The following PPFIA1 variants were observed in gnomAD, a reference collection of about 807,000 sequenced individuals.
PPFIA1 encodes liprin-alpha-1.
In PPFIA1, 25 loss-of-function variants were observed where a neutral mutation model predicts 149.9. The ratio of observed to expected loss-of-function variants is 0.17; its 90% confidence interval spans 0.12 to 0.23. The LOEUF is 0.23. PPFIA1 is among the 10% of genes least tolerant of loss of function. The probability of loss-of-function intolerance (pLI) is 1.00; values close to 1 mark genes in which losing one functional copy is unlikely to be tolerated. For missense variants in PPFIA1, 1,362 were observed against 1,506.5 expected (o/e 0.90, Z 1.59); for synonymous variants, 549 against 552.8 (o/e 0.99, Z 0.10).
intron 2 of PPFIA1, among the ~76,000 whole-genome samples, chr11:70,288,449 C>T (rs550942707): frequency 2.0e-5 from 3 of 152,266 alleles, no homozygotes; most frequent in Non-Finnish European, 4.4e-5. Flanking sequence ...GGGGCCACTG[C>T]CTGAGGTGTG....
intron 2 of PPFIA1, among the ~76,000 whole-genome samples, chr11:70,305,586 G>A (rs2052795277): frequency 6.6e-6 from 1 of 152,076 alleles, no homozygotes; most frequent in African/African-American, 2.4e-5. Context: ...GCCTGGGCTG[G>A]TCTCGAACTC....
intron 2 of PPFIA1, among the ~76,000 whole-genome samples, chr11:70,291,275 C>T (rs759155409): frequency 1.3e-5 from 2 of 152,116 alleles, no homozygotes; most frequent in Admixed American, 6.5e-5. Flanking sequence ...GAATGACAGC[C>T]GAGGTCATGG....
chr11:70,325,605 TGGG>T, intron 5 of PPFIA1, 31 bp downstream of exon 5: 6 of 1,393,126 alleles, frequency 4.3e-6, no homozygotes, highest in African/African-American at 1.5e-5. Context: ...TGAGTTGAAT[TGGG>T]GGGGGGTTAT....
chr11:70,285,058 G>T (rs993720984), intron 2 of PPFIA1, among the ~76,000 whole-genome samples: 1 of 152,086 alleles, frequency 6.6e-6, no homozygotes, highest in African/African-American at 2.4e-5. Context: ...CCAAGCTGTA[G>T]TGCACTGGCA....
At chr11:70,367,482 C>G (rs2057000683) in intron 21 of PPFIA1, 2 of 455,702 alleles carry the variant, frequency 4.4e-6, no homozygotes, top group Non-Finnish European at 8.8e-6. Flanking sequence ...TTATGGAGTT[C>G]ATAAGACTGG....
At chr11:70,367,448 T>TC (rs1476908101) in intron 21 of PPFIA1, 2 of 451,342 alleles carry the variant, frequency 4.4e-6, no homozygotes, top group East Asian at 7.0e-5. Flanking sequence ...ACACCCATGG[T>TC]CCCCCCGTCA....
intron 16 of PPFIA1, 70 bp from the exon 17 acceptor site, chr11:70,354,231 G>A (rs1453619023): frequency 1.7e-5 from 25 of 1,456,442 alleles, no homozygotes; most frequent in Non-Finnish European, 2.2e-5. Flanking sequence ...AGAAGTTTAT[G>A]GCTATAATTT....
chr11:70,310,295 T>C (rs1362090174), intron 2 of PPFIA1, among the ~76,000 whole-genome samples: 1 of 152,186 alleles, frequency 6.6e-6, no homozygotes, highest in Non-Finnish European at 1.5e-5. Flanking sequence ...GATACTGATT[T>C]GACATTTAGA....
At chr11:70,335,211 A>G (rs746728848) in intron 10 of PPFIA1, among the ~76,000 whole-genome samples, 10 of 152,176 alleles carry the variant, frequency 6.6e-5, no homozygotes, top group East Asian at 1.9e-4. Context: ...TTTTAGTTAC[A>G]CAAGGGGAAA....
chr11:70,373,925 C>T (rs957815767), intron 23 of PPFIA1: 1 of 152,080 alleles, frequency 6.6e-6, no homozygotes, highest in African/African-American at 2.4e-5. Context: ...GAAATATGTC[C>T]ATCTGTTTTG....
chr11:70,356,321 T>G, intron 19 of PPFIA1, 67 bp downstream of exon 19: 1 of 1,201,650 alleles, frequency 8.3e-7, no homozygotes, highest in Non-Finnish European at 1.2e-6. Flanking sequence ...CTAACTAGTG[T>G]TTGTTAATTA....
chr11:70,346,427 CT>C (rs554915996), intron 15 of PPFIA1, among the ~76,000 whole-genome samples: 93 of 145,362 alleles, frequency 6.4e-4, no homozygotes, highest in Non-Finnish European at 6.8e-4. Flanking sequence ...GTTACTCCAG[CT>C]TTTTTTTTTT....
chr11:70,309,758 A>G (rs1283356149), intron 2 of PPFIA1, among the ~76,000 whole-genome samples: 1 of 152,246 alleles, frequency 6.6e-6, no homozygotes, highest in Non-Finnish European at 1.5e-5. Context: ...AAAAAGCCAC[A>G]TAGTGTATGA....
chr11:70,271,971 T>A, intron 1 of PPFIA1: 1 of 640,598 alleles, frequency 1.6e-6, no homozygotes, highest in South Asian at 1.9e-5. Context: ...TTTTTGTCTG[T>A]GTTAATGTCT....
intron 23 of PPFIA1, among the ~76,000 whole-genome samples, 190 bp downstream of exon 23, chr11:70,372,764 A>G (rs1007905453): frequency 2.0e-5 from 3 of 152,234 alleles, no homozygotes; most frequent in African/African-American, 7.2e-5. Context: ...CCACAGCTAG[A>G]GAACTGTTCC....
At position 70,383,693 on chromosome 11, in the gene PPFIA1, A is replaced by T. The variant is rs2057787392; in HGVS notation, c.*703A>T. 1 of 152,572 alleles carries T rather than the reference A, an allele frequency of 6.6e-6. No individual in the cohort carries two copies. The highest frequency in any genetic ancestry group is 1.5e-5 in the Non-Finnish European group (1 of 68,312). The allele number at this position is 152,572 out of a possible 1,614,324, so 9.5% of individuals were successfully genotyped here. On this transcript the variant is annotated 3_prime_UTR_variant, in exon 28 of 28. Coordinates refer to ENST00000253925, the MANE Select transcript of PPFIA1 (RefSeq NM_003626.5). ...TATGAGAAGCCCCTAGCACTGGTTA[A>T]CGCTTTCCTAGCCTAGTCTCTGGAT...
At chr11:70,294,755 C>CT (rs765294770) in intron 2 of PPFIA1, among the ~76,000 whole-genome samples, 40 of 151,670 alleles carry the variant, frequency 2.6e-4, no homozygotes, top group Non-Finnish European at 5.3e-4. Flanking sequence ...GGTGATGACT[C>CT]TTAACGAGCA....
intron 15 of PPFIA1, chr11:70,346,062 T>G (rs2055683334): frequency 2.5e-6 from 1 of 401,780 alleles, no homozygotes; most frequent in African/African-American, 2.1e-5. Context: ...CTTTAGCAAC[T>G]TTAGCAGTTA....
chr11:70,290,485 T>G (rs2051453773), intron 2 of PPFIA1, among the ~76,000 whole-genome samples: 1 of 152,236 alleles, frequency 6.6e-6, no homozygotes, highest in Non-Finnish European at 1.5e-5. Context: ...CGCCTGCTAA[T>G]GCTAATTTAG....
Sources: allele counts gnomAD v4.1 joint callset (sites outside exome capture counted in the v4.1 genomes callset), GRCh38; gene constraint gnomAD v4.1.1; transcripts MANE v1.5; gene names NCBI Gene and HGNC (gene_info 2026-07-23, HGNC 2026-07-21).